RAB5B: variants seen among roughly 807,000 people sequenced by gnomAD.
RAB5B encodes the protein ras-related protein Rab-5B.
In RAB5B, 11 loss-of-function variants were observed where a neutral mutation model predicts 28.6. That is an observed-to-expected ratio of 0.38 (90% confidence interval 0.24 to 0.64). RAB5B has a LOEUF of 0.64. Among genes scored for constraint, RAB5B ranks in the 30% least tolerant of loss-of-function variants. RAB5B has a pLI of 0.53. For synonymous variants in RAB5B, 93 were observed against 97.9 expected (o/e 0.95, Z 0.29); for missense variants, 169 against 265.6 (o/e 0.64, Z 2.53).
intron 1 of RAB5B, among the ~76,000 whole-genome samples, chr12:55,978,173 G>A (rs1889696650): frequency 6.6e-6 from 1 of 152,196 alleles, no homozygotes; most frequent in Admixed American, 6.5e-5. Context: ...AGAGGAGCCA[G>A]GGAGAGAATT....
intron 1 of RAB5B, among the ~76,000 whole-genome samples, chr12:55,977,313 A>G (rs994338221): frequency 6.6e-6 from 1 of 151,914 alleles, no homozygotes; most frequent in Non-Finnish European, 1.5e-5. Flanking sequence ...ATCCTATCTA[A>G]TTTTTCCAAC....
chr12:55,988,754 C>G (rs973022410), intron 2 of RAB5B, among the ~76,000 whole-genome samples: 1 of 151,360 alleles, frequency 6.6e-6, no homozygotes, highest in Non-Finnish European at 1.5e-5. Context: ...CCACCCGCCT[C>G]GGCCTCCCAA....
chr12:55,990,592 G>A (rs1890083969), intron 3 of RAB5B, 90 bp from the exon 4 acceptor site: 1 of 1,521,226 alleles, frequency 6.6e-7, no homozygotes, highest in East Asian at 2.3e-5. Flanking sequence ...AGACCACCTA[G>A]AAGAGGTGAA....
chr12:55,995,923 C>T lies in RAB5B; in HGVS notation c.*3711C>T, dbSNP rs1268444811. On this transcript the variant is annotated 3_prime_UTR_variant, in exon 6 of 6. Transcript: ENST00000360299. ...TTTTAGGTTGAAGCTCGCTTTCTCT[C>T]TCTCTCCCTCTTTCTCCCTCTCTCT... is the stretch of plus-strand genomic sequence containing the variant. 2.1e-5 allele frequency: 3 copies of T among 144,128 alleles called. No homozygotes were observed. In the Admixed American group the frequency reaches 2.1e-4, roughly 10 times the overall value. The allele number at this position is 144,128 out of a possible 1,614,324, so 8.9% of individuals were successfully genotyped here.
intron 1 of RAB5B, among the ~76,000 whole-genome samples, chr12:55,974,473 A>G (rs1218986679): frequency 6.6e-6 from 1 of 152,152 alleles, no homozygotes; most frequent in Non-Finnish European, 1.5e-5. Flanking sequence ...GGAAAGGAAC[A>G]GGGCAGCGGG....
chr12:55,986,968 G>A lies in RAB5B; in HGVS notation c.8G>A (p.Ser3Asn), dbSNP rs1889969870. The A allele has an allele frequency of 7.2e-7, 1 of 1,386,438 alleles. No individual in the cohort carries two copies. 85.9% of individuals were successfully genotyped at this position (1,386,438 alleles called of 1,614,324 possible). ...CATTCTGATAATCTGGCCATGACTA[G>A]CAGAAGCACAGCTAGGCCCAATGGG... Reference protein sequence around the residue: MTSRSTARPNGQP... With the variant: MTNRSTARPNGQP... Residue 3 changes from serine to asparagine, a missense_variant, in exon 2 of 6, where the codon AGC becomes AAC. Physicochemically the swap from Ser to Asn is conservative, Grantham distance 46. Transcript: ENST00000360299.
intron 5 of RAB5B, 36 bp downstream of exon 5, chr12:55,991,489 C>G: frequency 6.4e-7 from 1 of 1,556,268 alleles, no homozygotes; most frequent in Non-Finnish European, 8.9e-7. Flanking sequence ...TCCTTTTTCC[C>G]TCGTTTATAG....
In RAB5B at chr12:55,992,609, T is replaced by C. The variant is rs1436467822; in HGVS notation, c.*397T>C. On this transcript the variant is annotated 3_prime_UTR_variant, in exon 6 of 6. Coordinates refer to ENST00000360299, the MANE Select transcript of RAB5B (RefSeq NM_002868.4). ...TTCTGCTTTTGGTCAGTCCCTGTTC[T>C]TGAGCCTCTTTTCTCCTCTCCCCAG... 1 of 441,922 alleles carries C rather than the reference T, an allele frequency of 2.3e-6. No individual in the cohort carries two copies. Among genetic ancestry groups the C allele is most frequent in the South Asian group, 1.6e-5 (1 of 60,646 alleles). 27.4% of individuals were successfully genotyped at this position (441,922 alleles called of 1,614,324 possible).
chr12:55,990,655 C>T, intron 3 of RAB5B, 27 bp from the exon 4 acceptor site: 7 of 1,612,068 alleles, frequency 4.3e-6, no homozygotes, highest in African/African-American at 1.3e-5. Flanking sequence ...TCATTCCAGC[C>T]TACTCATTCT....
chr12:55,985,426 T>C (rs2136481704), intron 1 of RAB5B, among the ~76,000 whole-genome samples: 1 of 152,356 alleles, frequency 6.6e-6, no homozygotes, highest in Non-Finnish European at 1.5e-5. Context: ...AAAGTACAAC[T>C]CTCAAGCAAT....
At chr12:55,987,221 C>G in intron 2 of RAB5B, 98 bp downstream of exon 2, 1 of 1,261,186 alleles carries the variant, frequency 7.9e-7, no homozygotes, top group Non-Finnish European at 1.1e-6. Context: ...AGTGCAGTGG[C>G]GCAATCTTGG....
intron 5 of RAB5B, chr12:55,991,811 C>T (rs1890132429): frequency 2.4e-6 from 1 of 424,706 alleles, no homozygotes; most frequent in Non-Finnish European, 4.3e-6. Context: ...CCTGTAGTCC[C>T]AGCTACTTGG....
At chr12:55,991,079 G>A (rs1200320599) in intron 4 of RAB5B, 2 of 533,568 alleles carry the variant, frequency 3.7e-6, no homozygotes, top group Admixed American at 6.4e-5. Flanking sequence ...TAAATTTGTG[G>A]TAAGGGACTA....
At chr12:55,984,468 G>T (rs10047641) in intron 1 of RAB5B, among the ~76,000 whole-genome samples, 47 of 151,342 alleles carry the variant, frequency 3.1e-4, no homozygotes, top group African/African-American at 1.1e-3. Context: ...GATTACAGGC[G>T]TGAGCCACTG....
Position 55,986,983 on chromosome 12 carries a change from G to A in RAB5B, c.23G>A (p.Arg8Lys). Residue 8 changes from arginine (R) to lysine (K), a missense_variant, in exon 2 of 6, where the codon AGG (arginine) becomes AAG (lysine). Around this residue, in one of 3 missense-constraint regions of RAB5B, gnomAD observed 43 missense variants for 85.8 expected, o/e 0.50. Transcript: ENST00000360299. The part of the protein sequence containing the change: MTSRSTA[R>K]PNGQPQASKI... ...GCCATGACTAGCAGAAGCACAGCTAGGCCCAATGGGCAACCCCAGGCCAGC... is the reference window on the plus strand; with the variant it reads ...GCCATGACTAGCAGAAGCACAGCTAAGCCCAATGGGCAACCCCAGGCCAGC... The A allele has an allele frequency of 6.8e-7, 1 of 1,464,042 alleles. No individual in the cohort carries two copies. The highest frequency in any genetic ancestry group is 1.5e-5 in the African/African-American group (1 of 64,696). 90.7% of individuals were successfully genotyped at this position (1,464,042 alleles called of 1,614,324 possible).
Position 55,992,497 on chromosome 12 carries a change from A to T in RAB5B, c.*285A>T, listed in dbSNP as rs775616606. On this transcript the variant is annotated 3_prime_UTR_variant, in exon 6 of 6. Transcript: ENST00000360299. Reference sequence around the variant, plus strand: ...TTCTTCACTTTGTATTATAGGTACAAGACAGCGACTTACGTATCTTTTCTC... The same window carrying T: ...TTCTTCACTTTGTATTATAGGTACATGACAGCGACTTACGTATCTTTTCTC... 2 of 586,322 alleles carry T rather than the reference A, an allele frequency of 3.4e-6. No individual in the cohort carries two copies. The highest frequency in any genetic ancestry group is 3.0e-5 in the South Asian group (2 of 65,668). The allele number at this position is 586,322 out of a possible 1,614,324, so 36.3% of individuals were successfully genotyped here. A position where few individuals can be genotyped will look rare whatever the true frequency, so the allele number is the denominator to read the frequency against.
At chr12:55,984,356 AT>A (rs1431251574) in intron 1 of RAB5B, among the ~76,000 whole-genome samples, 1 of 151,936 alleles carries the variant, frequency 6.6e-6, no homozygotes, top group African/African-American at 2.4e-5. Flanking sequence ...CGCCCAGCTA[AT>A]TTTTGTATTT....
At position 55,995,990 on chromosome 12, in the gene RAB5B, TA is replaced by T. The variant is rs1890284619; in HGVS notation, c.*3779del. 8.0e-5 allele frequency: 9 copies of T among 113,110 alleles called. No individual in the cohort carries two copies. Among genetic ancestry groups the T allele is most frequent in the African/African-American group, 2.1e-4 (6 of 28,108 alleles). 7.0% of individuals were successfully genotyped at this position (113,110 alleles called of 1,614,324 possible). ...CTCTCTCCATATATATATACATATA[TA>T]TATATATATATATTTTTTTTTTAAC... On this transcript the variant is annotated 3_prime_UTR_variant, in exon 6 of 6. Transcript: ENST00000360299.
chr12:55,975,249 C>G (rs79163147), intron 1 of RAB5B, among the ~76,000 whole-genome samples: 1 of 152,180 alleles, frequency 6.6e-6, no homozygotes, highest in African/African-American at 2.4e-5. Context: ...TTAGACTTGA[C>G]TTGGGTATTT....
Sources: gnomAD v4.1 joint callset for allele counts (sites outside exome capture counted in the v4.1 genomes callset) on GRCh38, gnomAD v4.1.1 for gene constraint, gnomAD v4.1.1 regional missense constraint, MANE v1.5 for transcripts, NCBI Gene and HGNC (gene_info 2026-07-23, HGNC 2026-07-21) for gene names.